PYGM: variants seen among roughly 807,000 people sequenced by gnomAD.
PYGM encodes glycogen phosphorylase, muscle form.
In PYGM, 81 loss-of-function variants were observed where a neutral mutation model predicts 99.3. That is an observed-to-expected ratio of 0.82 (90% CI 0.68 to 0.98). The LOEUF (loss-of-function observed/expected upper bound fraction) is 0.98, where lower values mean the gene tolerates loss of function less well. PYGM is among the 50% of genes least tolerant of loss of function. PYGM has a pLI of 0.00. For synonymous variants in PYGM, 436 were observed against 451.5 expected (o/e 0.97, Z 0.44); for missense variants, 1,030 against 1,158.1 (o/e 0.89, Z 1.61).
chr11:64,758,836 C>T, intron 1 of PYGM, 132 bp from the exon 2 acceptor site: 1 of 817,292 alleles, frequency 1.2e-6, no homozygotes, highest in Non-Finnish European at 2.1e-6. Flanking sequence ...CAATTTGTTT[C>T]TCCCTGTCTC....
chr11:64,757,754 C>G, intron 5 of PYGM, 25 bp downstream of exon 5: 1 of 1,614,078 alleles, frequency 6.2e-7, no homozygotes, highest in Non-Finnish European at 8.5e-7. Context: ...CTCTGGGCTC[C>G]CCTGACCCCC....
intron 18 of PYGM, 107 bp from the exon 19 acceptor site, chr11:64,747,094 G>A: frequency 6.4e-7 from 1 of 1,569,174 alleles, no homozygotes. Flanking sequence ...CGGGGACCTA[G>A]AGGGTCATGC....
At chr11:64,747,654 G>A in intron 17 of PYGM, 1 of 426,218 alleles carries the variant, frequency 2.3e-6, no homozygotes, top group Non-Finnish European at 4.4e-6. Context: ...CTCTTAACCA[G>A]TTTGTTTGCT....
intron 10 of PYGM, 29 bp downstream of exon 10, chr11:64,753,850 C>G (rs1473852244): frequency 6.4e-7 from 1 of 1,554,766 alleles, no homozygotes; most frequent in African/African-American, 1.4e-5. Context: ...CCCTCACCCC[C>G]ACACCATCCC....
intron 1 of PYGM, among the ~76,000 whole-genome samples, chr11:64,759,335 G>A (rs575626201): frequency 5.3e-5 from 8 of 152,160 alleles, no homozygotes; most frequent in South Asian, 4.2e-4. Flanking sequence ...GGCACACCGC[G>A]CATACATGCA....
chr11:64,752,395 C>G lies in PYGM; in HGVS notation c.1620+8G>C, dbSNP rs2058362804. The G allele has an allele frequency of 1.9e-6, 3 of 1,612,928 alleles. No individual in the cohort carries two copies. Among genetic ancestry groups the G allele is most frequent in the African/African-American group, 1.3e-5 (1 of 74,922 alleles). On this transcript the variant is annotated splice_region_variant and intron_variant, in intron 13 of 19. Coordinates refer to ENST00000164139, the MANE Select transcript of PYGM (RefSeq NM_005609.4). ...AGCACAGCTGTCCCACATTGCATCT[C>G]TCCCCACCTGCTTCACTTTGGCCAC...
intron 1 of PYGM, among the ~76,000 whole-genome samples, chr11:64,758,989 G>GGCACCCCTTCCCCCTGCAC (rs2058414778): frequency 1.3e-5 from 2 of 152,246 alleles, no homozygotes; most frequent in African/African-American, 4.8e-5. Flanking sequence ...CGGGAGAATG[G>GGCACCCCTTCCCCCTGCAC]GCACCCCTTC....
At position 64,759,719 on chromosome 11, in the gene PYGM, C is replaced by T. The variant is rs1395197579; in HGVS notation, c.180G>A (p.Val60=). The change falls in exon 1 of 20, where the codon GTG becomes GTA. Residue 60 remains valine, a synonymous_variant. Transcript: ENST00000164139. ...RDYYFALAHT[V]RDHLVGRWIR... ...TCCAGCGCCCCACGAGGTGGTCGCG[C>T]ACGGTATGGGCCAGAGCAAAGTAGT... 6.2e-7 allele frequency: 1 copy of T among 1,614,188 alleles called. No homozygotes were observed. The highest frequency in any genetic ancestry group is 2.2e-5 in the East Asian group (1 of 44,880).
chr11:64,760,453 A>C (rs1264843300), upstream of PYGM, among the ~76,000 whole-genome samples: 1 of 152,182 alleles, frequency 6.6e-6, no homozygotes, highest in East Asian at 1.9e-4. Flanking sequence ...GGGTGGTGTG[A>C]GGGAGGTTGT....
chr11:64,754,844 C>T lies in PYGM; in HGVS notation c.856-8G>A, dbSNP rs759072956. 3.7e-6 allele frequency: 6 copies of T among 1,613,352 alleles called. No homozygotes were observed. The South Asian group carries it at 5.5e-5, about 15-fold the overall frequency. ...CTCCTTCCCTTCGAAGAACTGGGGA[C>T]AGCATGAGGCAGCGTGAGTCAGGGC... On this transcript the variant is annotated splice_polypyrimidine_tract_variant and splice_region_variant and intron_variant, in intron 7 of 19. Coordinates refer to ENST00000164139, the MANE Select transcript of PYGM (RefSeq NM_005609.4). This position sits in a 1 kb window ranked among gnomAD's most constrained non-coding sequence, Gnocchi z 5.5.
At chr11:64,750,991 A>G (rs2058351863) in intron 16 of PYGM, among the ~76,000 whole-genome samples, 1 of 152,186 alleles carries the variant, frequency 6.6e-6, no homozygotes, top group Non-Finnish European at 1.5e-5. Context: ...TCCCAGGTTC[A>G]AGTGATTCTC....
intron 15 of PYGM, 22 bp from the exon 16 acceptor site, chr11:64,751,488 T>A: frequency 2.5e-6 from 4 of 1,614,066 alleles, no homozygotes; most frequent in Non-Finnish European, 3.4e-6. Flanking sequence ...AAGTCTGGGG[T>A]CAGCTCTACT....
rs544636087 is a variant in PYGM at position 64,759,913 on chromosome 11, G to A, written c.-15C>T. On this transcript the variant is annotated 5_prime_UTR_variant, in exon 1 of 20. Coordinates refer to ENST00000164139, the MANE Select transcript of PYGM (RefSeq NM_005609.4). ...GGCCGGGACATGGCTGCAGGAGGGC[G>A]GGCCGGACTGGACTGATGGTAGAGG... The A allele has an allele frequency of 3.0e-5, 48 of 1,613,484 alleles. No homozygotes were observed. Among genetic ancestry groups the A allele is most frequent in the East Asian group, 2.0e-4 (9 of 44,884 alleles).
In PYGM at chr11:64,753,565, C is replaced by A. The variant is rs151213354; in HGVS notation, c.1357G>T (p.Val453Phe). ...AHLCIAGSHA[V>F]NGVARIHSEI... is the part of the protein sequence containing the mutation. ...GAGTGGATGCGCGCCACGCCGTTGACGGCGTGCGACCCCGCGATGCACAGG... is the reference window on the plus strand; with the variant it reads ...GAGTGGATGCGCGCCACGCCGTTGAAGGCGTGCGACCCCGCGATGCACAGG... Residue 453 changes from valine (V) to phenylalanine (F), a missense_variant, in exon 11 of 20, where the codon GTC becomes TTC. Val to Phe is a conservative substitution (Grantham distance 50). Transcript: ENST00000164139. 6 of 1,602,404 alleles carry A rather than the reference C, an allele frequency of 3.7e-6. No individual in the cohort carries two copies. The highest frequency in any genetic ancestry group is 5.1e-6 in the Non-Finnish European group (6 of 1,177,158).
At chr11:64,749,550 G>A (rs1230353568) in intron 17 of PYGM, among the ~76,000 whole-genome samples, 1 of 151,392 alleles carries the variant, frequency 6.6e-6, no homozygotes, top group Non-Finnish European at 1.5e-5. Flanking sequence ...GTAGAGGCAG[G>A]AGAATGGTGT....
In PYGM at chr11:64,747,224, C is replaced by T. The variant is rs150911354; in HGVS notation, c.2312G>A (p.Arg771Gln). 7 of 1,613,916 alleles carry T rather than the reference C, an allele frequency of 4.3e-6. No homozygotes were observed. The highest frequency in any genetic ancestry group is 4.0e-5 in the African/African-American group (3 of 74,934). Residue 771 changes from arginine to glutamine, a missense_variant and splice_region_variant, in exon 18 of 20, where the codon CGG (arginine) becomes CAG (glutamine). Coordinates refer to ENST00000164139, the MANE Select transcript of PYGM (RefSeq NM_005609.4). ...GTGATTCCCGGGCCAACCAGCTCACCGGTCATGGTGCATGAGCATATTGAC... is the reference window on the plus strand; with the variant it reads ...GTGATTCCCGGGCCAACCAGCTCACTGGTCATGGTGCATGAGCATATTGAC... ...DIVNMLMHHD[R>Q]FKVFADYEDY... is the part of the protein sequence containing the mutation.
chr11:64,755,621 C>G lies in PYGM; in HGVS notation c.661-63G>C. The G allele has an allele frequency of 3.0e-6, 4 of 1,316,048 alleles. No homozygotes were observed. The highest frequency in any genetic ancestry group is 4.4e-6 in the Non-Finnish European group (4 of 919,146). The allele number at this position is 1,316,048 out of a possible 1,614,324, so 81.5% of individuals were successfully genotyped here. A position where few individuals can be genotyped will look rare whatever the true frequency, so the allele number is the denominator to read the frequency against. On this transcript the variant is annotated intron_variant, in intron 5 of 19. Transcript: ENST00000164139. The surrounding 1 kb of genome is among the most constrained non-coding windows in gnomAD (Gnocchi z 4.1). ...GGCAATTGCCTCCCTCCCCTCAGGG[C>G]TGGGACTCAAGGCTTTATCCCTGCA...
intron 17 of PYGM, chr11:64,748,818 G>A (rs1251079514): frequency 6.6e-6 from 1 of 152,190 alleles, no homozygotes; most frequent in Non-Finnish European, 1.5e-5. Context: ...GGGAGGCCGA[G>A]GCGGGTGGAT....
chr11:64,747,462 A>G, intron 17 of PYGM, 104 bp from the exon 18 acceptor site: 2 of 1,510,720 alleles, frequency 1.3e-6, no homozygotes, highest in Non-Finnish European at 1.8e-6. Flanking sequence ...ACCCAGGTCC[A>G]GCCTGCTGCT....
Sources: gnomAD v4.1 joint callset for allele counts (sites outside exome capture counted in the v4.1 genomes callset) on GRCh38, gnomAD v4.1.1 for gene constraint, Gnocchi (gnomAD v3.1) non-coding constraint, MANE v1.5 for transcripts, NCBI Gene and HGNC (gene_info 2026-07-23, HGNC 2026-07-21) for gene names.